The following PCDHGA7 variants were observed in gnomAD, a reference collection of about 807,000 sequenced individuals.
The protein encoded by PCDHGA7 is protocadherin gamma-A7.
PCDHGA7 carries 44 observed loss-of-function variants against 58.3 expected under a neutral mutation model. The observed-to-expected ratio is 0.75, with a 90% CI of 0.59 to 0.97. PCDHGA7 has a LOEUF of 0.97. PCDHGA7 is among the 50% of genes least tolerant of loss of function. The pLI is 0.00. For missense variants in PCDHGA7, 1,266 were observed against 1,188.7 expected (o/e 1.06, Z -0.96); for synonymous variants, 516 against 504.2 (o/e 1.02, Z -0.31).
chr5:141,428,618 T>G (rs554092834), intron 1 of PCDHGA7: 12 of 206,130 alleles, frequency 5.8e-5, no homozygotes, highest in Admixed American at 2.6e-4. Context: ...AATAACAAGA[T>G]AAGCTCTAAC....
rs776235211 is a variant in PCDHGA7 at position 141,385,278 on chromosome 5, A to G, written c.2379A>G (p.Thr793=). Residue 793 remains threonine, a synonymous_variant, in exon 1 of 4, where the codon ACA becomes ACG. Coordinates refer to ENST00000518325, the MANE Select transcript of PCDHGA7 (RefSeq NM_018920.4). ...ESCEKNDSLL[T]SVDFQECKEN... ...GTGAGAAAAATGATTCTTTGCTAAC[A>G]TCCGTAGATTTTCAGGAATGTAAAG... 7.4e-6 allele frequency: 12 copies of G among 1,613,478 alleles called. No individual in the cohort carries two copies. Among genetic ancestry groups the G allele is most frequent in the Non-Finnish European group, 1.0e-5 (12 of 1,179,424 alleles).
rs551330964 is a variant in PCDHGA7, at chr5:141,388,155, G to T, written c.2424+2832G>T. On this transcript the variant is annotated intron_variant, in intron 1 of 3. Coordinates refer to ENST00000518325, the MANE Select transcript of PCDHGA7 (RefSeq NM_018920.4). ...GGAGTTGCTTGTGAGCAGCAGGCTA[G>T]ACAGGGAGGAGATATGCGGGAAGAA... is the stretch of plus-strand genomic sequence containing the variant. The T allele has an allele frequency of 1.2e-5, 18 of 1,469,902 alleles. No homozygotes were observed. The African/African-American group carries it at 2.5e-4, about 21-fold the overall frequency. 91.1% of individuals were successfully genotyped at this position (1,469,902 alleles called of 1,614,324 possible). A position where few individuals can be genotyped will look rare whatever the true frequency, so the allele number is the denominator to read the frequency against.
intron 1 of PCDHGA7, chr5:141,400,663 A>T: frequency 4.0e-6 from 4 of 995,312 alleles, no homozygotes; most frequent in Non-Finnish European, 6.0e-6. Flanking sequence ...ACCATTCTTT[A>T]AGAGGAGCAG....
chr5:141,448,912 T>C (rs1195715286), intron 1 of PCDHGA7, among the ~76,000 whole-genome samples: 1 of 152,152 alleles, frequency 6.6e-6, no homozygotes, highest in Non-Finnish European at 1.5e-5. Flanking sequence ...GCCACTGCAC[T>C]CCAGCCTGGG....
intron 1 of PCDHGA7, chr5:141,415,324 G>A (rs2095854761): frequency 1.9e-6 from 3 of 1,614,108 alleles, no homozygotes; most frequent in African/African-American, 2.7e-5. Flanking sequence ...CGTGCTGCTG[G>A]CGCACAGGCT....
intron 1 of PCDHGA7, chr5:141,400,548 T>C: frequency 6.2e-7 from 1 of 1,613,656 alleles, no homozygotes; most frequent in South Asian, 1.1e-5. Context: ...ATGTCTATTC[T>C]TTTTCATTAC....
chr5:141,418,542 T>G, intron 1 of PCDHGA7: 1 of 1,614,028 alleles, frequency 6.2e-7, no homozygotes, highest in Non-Finnish European at 8.5e-7. Flanking sequence ...ACTGCTCAGA[T>G]AAGAATCCTG....
At chr5:141,458,308 A>G (rs1363472724) in intron 1 of PCDHGA7, among the ~76,000 whole-genome samples, 1 of 152,196 alleles carries the variant, frequency 6.6e-6, no homozygotes, top group Non-Finnish European at 1.5e-5. Context: ...AGATAAAATG[A>G]CACAGACACA....
intron 1 of PCDHGA7, chr5:141,421,189 C>T: frequency 1.4e-6 from 2 of 1,477,674 alleles, no homozygotes; most frequent in South Asian, 2.7e-5. Flanking sequence ...CACAACCAAC[C>T]AGCTCGAGAA....
chr5:141,428,154 T>C, intron 1 of PCDHGA7: 2 of 1,578,924 alleles, frequency 1.3e-6, no homozygotes, highest in Non-Finnish European at 1.7e-6. Flanking sequence ...CACGGGAACC[T>C]GCTGGTTGCT....
At chr5:141,501,329 ACACACC>A (rs1456568693) in intron 2 of PCDHGA7, among the ~76,000 whole-genome samples, 16 of 148,226 alleles carry the variant, frequency 1.1e-4, no homozygotes, top group Non-Finnish European at 2.2e-4. Context: ...ACACACACAC[ACACACC>A]CCAAACTCAA....
At chr5:141,429,486 A>C (rs2097218130) in intron 1 of PCDHGA7, among the ~76,000 whole-genome samples, 1 of 152,114 alleles carries the variant, frequency 6.6e-6, no homozygotes, top group Non-Finnish European at 1.5e-5. Context: ...AGTAGCTGAG[A>C]CTACAGTTGC....
chr5:141,390,210 G>T, intron 1 of PCDHGA7: 1 of 1,614,046 alleles, frequency 6.2e-7, no homozygotes, highest in Non-Finnish European at 8.5e-7. Context: ...TTCAGGACAA[G>T]ACATACTTTG....
chr5:141,437,252 CTT>C (rs1030396727), intron 1 of PCDHGA7, among the ~76,000 whole-genome samples: 3 of 152,268 alleles, frequency 2.0e-5, no homozygotes, highest in Admixed American at 6.5e-5. Context: ...CTTTCCTTGT[CTT>C]TTTATGTGTA....
chr5:141,398,578 A>C (rs370163028), intron 1 of PCDHGA7: 29 of 1,613,942 alleles, frequency 1.8e-5, no homozygotes, highest in Admixed American at 3.3e-5. Context: ...GCCTGGCACA[A>C]GATTTATACT....
At chr5:141,408,556 T>G (rs1215804867) in intron 1 of PCDHGA7, 1 of 1,613,940 alleles carries the variant, frequency 6.2e-7, no homozygotes, top group Non-Finnish European at 8.5e-7. Context: ...ATATTTTTCA[T>G]GTCATTGTGG....
intron 1 of PCDHGA7, chr5:141,423,675 T>C: frequency 1.3e-6 from 2 of 1,540,488 alleles, no homozygotes; most frequent in Non-Finnish European, 1.7e-6. Flanking sequence ...GATTTATTTC[T>C]CTGCCTCCTA....
At position 141,489,800 on chromosome 5, in the gene PCDHGA7, A is replaced by T. The variant is rs2099692478; in HGVS notation, c.2425-5007A>T. 1 of 1,614,166 alleles carries T rather than the reference A, an allele frequency of 6.2e-7. No homozygotes were observed. Among genetic ancestry groups the T allele is most frequent in the Non-Finnish European group, 8.5e-7 (1 of 1,179,994 alleles). On this transcript the variant is annotated intron_variant, in intron 1 of 3. Coordinates refer to ENST00000518325, the MANE Select transcript of PCDHGA7 (RefSeq NM_018920.4). This position sits in a 1 kb window ranked among gnomAD's most constrained non-coding sequence, Gnocchi z 4.5. ...TCTCTGAATGTGAAGACCCTAAAAG[A>T]TGGGAAGCCATTCCCAGAGCTGGTG...
At chr5:141,413,931 A>T (rs776911095) in intron 1 of PCDHGA7, 1 of 1,613,254 alleles carries the variant, frequency 6.2e-7, no homozygotes, top group Non-Finnish European at 8.5e-7. Flanking sequence ...CAGAATACCG[A>T]GTGAGTGTTC....
Sources: allele counts gnomAD v4.1 joint callset (sites outside exome capture counted in the v4.1 genomes callset), GRCh38; gene constraint gnomAD v4.1.1; non-coding constraint Gnocchi (gnomAD v3.1); transcripts MANE v1.5; gene names NCBI Gene and HGNC (gene_info 2026-07-23, HGNC 2026-07-21).